ZFHX3: variants seen among roughly 807,000 people sequenced by gnomAD.
ZFHX3 encodes zinc finger homeobox protein 3.
Under a neutral mutation model 279.1 loss-of-function variants are expected in ZFHX3, and 42 were observed. That is an observed-to-expected ratio of 0.15 (90% confidence interval 0.12 to 0.19). The LOEUF is 0.19. Ranked by LOEUF, ZFHX3 falls within the 10% of genes least tolerant of loss-of-function variation. ZFHX3 has a pLI of 1.00. For synonymous variants in ZFHX3, 2,293 were observed against 1,957.8 expected (o/e 1.17, Z -4.52); for missense variants, 4,981 against 4,754.0 (o/e 1.05, Z -1.40).
chr16:72,890,396 G>C (rs538637220), intron 3 of ZFHX3, among the ~76,000 whole-genome samples: 2 of 152,200 alleles, frequency 1.3e-5, no homozygotes, highest in Non-Finnish European at 2.9e-5. Context: ...AGAACTGTGA[G>C]TCAATTTCTT....
intron 1 of ZFHX3, among the ~76,000 whole-genome samples, chr16:73,888,820 T>G (rs62041532): frequency 0.15 from 22,434 of 151,290 alleles, 2,223 homozygotes; most frequent in Middle Eastern, 0.29. Context: ...ACCTTGGAGG[T>G]CTAGTTAAGG....
chr16:73,506,112 G>A (rs866891971), intron 2 of ZFHX3, among the ~76,000 whole-genome samples: 1 of 152,318 alleles, frequency 6.6e-6, no homozygotes, highest in Middle Eastern at 3.4e-3. Context: ...GAAACCTAGA[G>A]TGGATCAAGG....
At chr16:73,765,317 C>T (rs1429517681) in intron 1 of ZFHX3, among the ~76,000 whole-genome samples, 2 of 152,136 alleles carry the variant, frequency 1.3e-5, no homozygotes, top group Non-Finnish European at 2.9e-5. Flanking sequence ...GAATGGGAAA[C>T]ATTTTGAGTT....
intron 2 of ZFHX3, among the ~76,000 whole-genome samples, chr16:73,534,637 T>C (rs1466982182): frequency 6.6e-6 from 1 of 152,206 alleles, no homozygotes; most frequent in Non-Finnish European, 1.5e-5. Flanking sequence ...TTGGTTTGAA[T>C]GATAGGTGTT....
chr16:73,068,656 T>TGTG (rs1965785859), intron 8 of ZFHX3, among the ~76,000 whole-genome samples: 1 of 152,174 alleles, frequency 6.6e-6, no homozygotes, highest in African/African-American at 2.4e-5. Flanking sequence ...CTCAGACAAG[T>TGTG]TCCTTACTTC....
At chr16:72,840,165 G>T (rs1000079746) in intron 4 of ZFHX3, among the ~76,000 whole-genome samples, 8 of 151,724 alleles carry the variant, frequency 5.3e-5, no homozygotes, top group African/African-American at 1.9e-4. Context: ...ATTTTTAATT[G>T]GAAAATACTG....
At chr16:73,234,006 T>A (rs1205780367) in intron 5 of ZFHX3, 1 of 152,210 alleles carries the variant, frequency 6.6e-6, no homozygotes, top group Non-Finnish European at 1.5e-5. Context: ...CTCCATCGCA[T>A]GTGTTTGGCA....
At chr16:73,734,325 T>C (rs75992662) in intron 1 of ZFHX3, among the ~76,000 whole-genome samples, 1,762 of 152,338 alleles carry the variant, frequency 0.012, 34 homozygotes, top group African/African-American at 0.04. Context: ...CTTTAAAAAT[T>C]ATATAAATCC....
At chr16:73,816,986 C>T (rs78266467) in intron 1 of ZFHX3, among the ~76,000 whole-genome samples, 1 of 152,150 alleles carries the variant, frequency 6.6e-6, no homozygotes, top group Non-Finnish European at 1.5e-5. Flanking sequence ...AAGGTCCCCA[C>T]ATCCCAGGAG....
intron 1 of ZFHX3, among the ~76,000 whole-genome samples, chr16:73,752,288 C>T (rs1042612976): frequency 5.9e-5 from 9 of 152,140 alleles, no homozygotes; most frequent in Non-Finnish European, 1.0e-4. Context: ...CAGCTCCTCA[C>T]TCAAAATCCT....
chr16:73,149,608 C>T (rs901272324), intron 5 of ZFHX3, among the ~76,000 whole-genome samples: 2 of 152,104 alleles, frequency 1.3e-5, no homozygotes, highest in African/African-American at 4.8e-5. Context: ...ACATCTTCTG[C>T]GGCGTTTCAG....
intron 4 of ZFHX3, among the ~76,000 whole-genome samples, chr16:72,887,715 C>G (rs544721919): frequency 2.7e-5 from 4 of 147,740 alleles, no homozygotes; most frequent in African/African-American, 1.0e-4. Flanking sequence ...GGGAGGTGCA[C>G]GCAGATGGGG....
At chr16:73,849,327 C>A (rs1485887308) in intron 1 of ZFHX3, among the ~76,000 whole-genome samples, 1 of 152,164 alleles carries the variant, frequency 6.6e-6, no homozygotes, top group East Asian at 1.9e-4. Flanking sequence ...TTTGAATTAC[C>A]TTTATTGCAC....
chr16:73,018,760 T>C (rs1964195412), intron 1 of ZFHX3, among the ~76,000 whole-genome samples: 1 of 152,202 alleles, frequency 6.6e-6, no homozygotes, highest in Non-Finnish European at 1.5e-5. Flanking sequence ...AGCCTCTGTA[T>C]AGTCTAAATG....
chr16:73,310,484 G>C (rs946369723), intron 4 of ZFHX3, among the ~76,000 whole-genome samples: 1 of 152,306 alleles, frequency 6.6e-6, no homozygotes, highest in South Asian at 2.1e-4. Context: ...AAGACCAGTA[G>C]CTCTCCATGG....
intron 5 of ZFHX3, among the ~76,000 whole-genome samples, chr16:73,217,489 A>G (rs1385285634): frequency 6.6e-6 from 1 of 152,194 alleles, no homozygotes; most frequent in Admixed American, 6.5e-5. Flanking sequence ...TACACTAAGC[A>G]ATTGATCCCC....
intron 1 of ZFHX3, among the ~76,000 whole-genome samples, chr16:73,798,846 T>G (rs1307986697): frequency 1.3e-5 from 2 of 152,182 alleles, no homozygotes; most frequent in Admixed American, 6.5e-5. Flanking sequence ...GGGATGAGCT[T>G]GTCCGTCCCT....
intron 3 of ZFHX3, among the ~76,000 whole-genome samples, chr16:73,390,781 A>C (rs1020429675): frequency 6.6e-6 from 1 of 151,922 alleles, no homozygotes; most frequent in East Asian, 1.9e-4. Flanking sequence ...ATTATTTAAA[A>C]ATTTGCTTCT....
rs1430213813 is a variant in ZFHX3 at position 72,998,748 on chromosome 16, T to TA, written c.-49-38555dup. Among the ~76,000 whole-genome samples, 4 of 152,342 alleles carry TA rather than the reference T, an allele frequency of 2.6e-5. No individual in the cohort carries two copies. The East Asian group carries it at 7.7e-4, about 29-fold the overall frequency. On this transcript the variant is annotated intron_variant, in intron 1 of 9. Coordinates refer to ENST00000268489, the MANE Select transcript of ZFHX3 (RefSeq NM_006885.4). The stretch of plus-strand genomic sequence containing the variant: ...TCTCACTCACAGACTTTACAGAACT[T>TA]ACCGCTGCTCAAGACTCTTTCCCAC...
Sources: allele counts gnomAD v4.1 joint callset (sites outside exome capture counted in the v4.1 genomes callset), GRCh38; gene constraint gnomAD v4.1.1; transcripts MANE v1.5; gene names NCBI Gene and HGNC (gene_info 2026-07-23, HGNC 2026-07-21).